The following MDN1 variants were observed in gnomAD, a reference collection of about 807,000 sequenced individuals.
MDN1 encodes midasin AAA ATPase 1.
MDN1 carries 266 observed loss-of-function variants against 669.2 expected under a neutral mutation model. The ratio of observed to expected loss-of-function variants is 0.40; its 90% CI spans 0.36 to 0.44. The LOEUF is 0.44. MDN1 is among the 20% of genes least tolerant of loss of function. MDN1 has a pLI of 1.00. For missense variants in MDN1, 5,940 were observed against 6,754.0 expected, an observed-to-expected ratio of 0.88 and a Z score of 4.22; for synonymous variants, 2,385 against 2,457.1, an observed-to-expected ratio of 0.97 and a Z score of 0.87.
rs749213855 is a variant in MDN1, at chr6:89,733,076, G to A, written c.4724-301C>T. Among the ~76,000 whole-genome samples the A allele has an allele frequency of 5.1e-4, 77 of 151,980 alleles. 1 individual carries two copies. The highest frequency in any genetic ancestry group is 3.5e-4 in the Non-Finnish European group (24 of 67,996). On this transcript the variant is annotated intron_variant, in intron 33 of 101. Transcript: ENST00000369393. ...AGAAATATTCATTTGATTTGAGTTC[G>A]GACACAGTTTTGAACTTCTATTATA...
Position 89,695,595 on chromosome 6 carries a change from C to T in MDN1, c.9771+10G>A, listed in dbSNP as rs1158287240. ...AAGGAGCCCATGCTCCATACTCTTG[C>T]CTCCCATACCTCTTCCTTGACGTAA... On this transcript the variant is annotated intron_variant, in intron 61 of 101. Transcript: ENST00000369393. The surrounding 1 kb of genome is among the most constrained non-coding windows in gnomAD (Gnocchi z 4.1). 7 of 1,573,230 alleles carry T rather than the reference C, an allele frequency of 4.4e-6. No homozygotes were observed. The highest frequency in any genetic ancestry group is 1.7e-4 in the Middle Eastern group (1 of 5,908).
In MDN1 at chr6:89,646,412, T is replaced by G. The variant is rs928400627; in HGVS notation, c.16459+128A>C. On this transcript the variant is annotated intron_variant, in intron 100 of 101. Coordinates refer to ENST00000369393, the MANE Select transcript of MDN1 (RefSeq NM_014611.3). ...ATAAGTAAAAATCAGCTCCATCAATTTATGTCTTTTCCTGTGGAGCATACC... is the reference window on the plus strand; with the variant it reads ...ATAAGTAAAAATCAGCTCCATCAATGTATGTCTTTTCCTGTGGAGCATACC... 12 of 784,168 alleles carry G rather than the reference T, an allele frequency of 1.5e-5. No individual in the cohort carries two copies. The African/African-American group carries it at 1.6e-4, about 10-fold the overall frequency. 48.6% of individuals were successfully genotyped at this position (784,168 alleles called of 1,614,324 possible).
At chr6:89,658,545 G>A (rs751393133) in intron 89 of MDN1, 65 bp downstream of exon 89, 3 of 1,548,368 alleles carry the variant, frequency 1.9e-6, no homozygotes, top group African/African-American at 2.7e-5. Context: ...GATTCTAATG[G>A]GAATAAGGTG....
At chr6:89,716,842 A>G in intron 43 of MDN1, 33 bp from the exon 44 acceptor site, 1 of 1,536,202 alleles carries the variant, frequency 6.5e-7, no homozygotes. Flanking sequence ...CACCATCCAC[A>G]GCACTTAACT....
intron 101 of MDN1, among the ~76,000 whole-genome samples, chr6:89,644,517 C>T (rs1808355918): frequency 6.6e-6 from 1 of 152,200 alleles, no homozygotes. Context: ...CCTATCAAGG[C>T]CTTAATGTGA....
chr6:89,764,645 G>A (rs757628386), intron 15 of MDN1, among the ~76,000 whole-genome samples: 7 of 152,098 alleles, frequency 4.6e-5, no homozygotes, highest in African/African-American at 7.2e-5. Context: ...GTTGAGGAGG[G>A]GACATTTGAA....
At position 89,696,479 on chromosome 6, in the gene MDN1, G is replaced by A; in HGVS notation, c.9264C>T (p.Leu3088=). The change falls in exon 60 of 102, where the codon CTC becomes CTT. Residue 3088 remains leucine, a synonymous_variant. Transcript: ENST00000369393. Reference sequence around the variant, plus strand: ...TCACGTGAGAGGAGGAAAGAATGGGGAGGCCACTCACATCCCAGGGACTTG... The same window carrying A: ...TCACGTGAGAGGAGGAAAGAATGGGAAGGCCACTCACATCCCAGGGACTTG... ...WRASPWDVSG[L]PILSSSHVTL... The A allele has an allele frequency of 6.2e-7, 1 of 1,614,206 alleles. No individual in the cohort carries two copies. Among genetic ancestry groups the A allele is most frequent in the East Asian group, 2.2e-5 (1 of 44,884 alleles).
At chr6:89,667,078 C>A (rs1810306509) in intron 84 of MDN1, among the ~76,000 whole-genome samples, 1 of 152,188 alleles carries the variant, frequency 6.6e-6, no homozygotes, top group Non-Finnish European at 1.5e-5. Context: ...AATGAATACA[C>A]ATAATTTAAA....
chr6:89,725,485 T>C, intron 37 of MDN1, 89 bp from the exon 38 acceptor site: 6 of 1,090,440 alleles, frequency 5.5e-6, no homozygotes, highest in Non-Finnish European at 6.8e-6. Flanking sequence ...CAAATAAAGC[T>C]AGAGTTATCT....
Position 89,723,569 on chromosome 6 carries a change from A to G in MDN1, c.5721T>C (p.Thr1907=), listed in dbSNP as rs1426756383. 3 of 1,604,620 alleles carry G rather than the reference A, an allele frequency of 1.9e-6. No homozygotes were observed. Among genetic ancestry groups the G allele is most frequent in the Admixed American group, 3.4e-5 (2 of 58,888 alleles). The change falls in exon 39 of 102, where the codon ACT becomes ACC. Residue 1907 remains threonine, a synonymous_variant. Coordinates refer to ENST00000369393, the MANE Select transcript of MDN1 (RefSeq NM_014611.3). ...TATTTTTCTCAATGGCTGGAAACAA[A>G]GTACTGGCAATGAACTCCATGTCAA... ...TVIDMEFIAS[T]LFPAIEKNIV...
At chr6:89,753,442 A>G (rs909546769) in intron 22 of MDN1, 70 bp downstream of exon 22, 3 of 1,168,752 alleles carry the variant, frequency 2.6e-6, no homozygotes, top group Non-Finnish European at 3.7e-6. Context: ...AAAAAAAAAA[A>G]CCAAACAGCT....
chr6:89,699,103 T>G (rs1435472399), intron 58 of MDN1, 68 bp from the exon 59 acceptor site: 5 of 1,371,024 alleles, frequency 3.6e-6, no homozygotes, highest in Admixed American at 2.2e-5. Flanking sequence ...TAGGTCTTCT[T>G]TCTTCTAAGG....
chr6:89,798,140 C>T lies in MDN1; in HGVS notation c.330-3339G>A, dbSNP rs546416559. ...GAGCTTGCAGTGAGCCGAGATCGTG[C>T]CACTGCACTCCAGCCTGGGCGACAG... On this transcript the variant is annotated intron_variant, in intron 2 of 101. Coordinates refer to ENST00000369393, the MANE Select transcript of MDN1 (RefSeq NM_014611.3). 7.5e-5 allele frequency among the ~76,000 whole-genome samples: 11 copies of T among 146,228 alleles called. No individual in the cohort carries two copies. The South Asian group carries it at 2.4e-3, about 32-fold the overall frequency.
intron 1 of MDN1, among the ~76,000 whole-genome samples, chr6:89,809,784 T>TAAAATAAAATAAAATA (rs370925781): frequency 2.7e-5 from 3 of 112,576 alleles, no homozygotes; most frequent in South Asian, 3.1e-4. Context: ...TCAAAATAAA[T>TAAAATAAAATAAAATA]AAATAAAATA....
At chr6:89,812,908 G>A (rs967069902) in intron 1 of MDN1, among the ~76,000 whole-genome samples, 18 of 152,032 alleles carry the variant, frequency 1.2e-4, no homozygotes, top group Non-Finnish European at 2.1e-4. Context: ...AGACCAGCCT[G>A]GGCAACAAAG....
intron 33 of MDN1, among the ~76,000 whole-genome samples, chr6:89,734,691 A>AGAGAGAGAG (rs370691129): frequency 0.16 from 18,168 of 112,382 alleles, 2,222 homozygotes; most frequent in African/African-American, 0.22. Flanking sequence ...AAAAAAAAAC[A>AGAGAGAGAG]AGAGAGAGAG....
chr6:89,791,349 T>C (rs1018640359), intron 5 of MDN1, among the ~76,000 whole-genome samples: 1 of 152,220 alleles, frequency 6.6e-6, no homozygotes, highest in Non-Finnish European at 1.5e-5. Flanking sequence ...GGATATCTTA[T>C]GTTGTAATTT....
chr6:89,649,681 C>A (rs958712843), intron 97 of MDN1, among the ~76,000 whole-genome samples: 1 of 152,000 alleles, frequency 6.6e-6, no homozygotes, highest in African/African-American at 2.4e-5. Context: ...TACACTGTTG[C>A]ATTTTCTGCA....
At chr6:89,645,318 C>A (rs1183197467) in intron 100 of MDN1, among the ~76,000 whole-genome samples, 161 bp from the exon 101 acceptor site, 1 of 152,142 alleles carries the variant, frequency 6.6e-6, no homozygotes, top group East Asian at 1.9e-4. Context: ...CCTAAGGGAC[C>A]TCTGATGAGA....
Sources: allele counts gnomAD v4.1 joint callset (sites outside exome capture counted in the v4.1 genomes callset), GRCh38; gene constraint gnomAD v4.1.1; non-coding constraint Gnocchi (gnomAD v3.1); transcripts MANE v1.5; gene names NCBI Gene and HGNC (gene_info 2026-07-23, HGNC 2026-07-21).